TFCP2: variants seen among roughly 807,000 people sequenced by gnomAD.
TFCP2 encodes alpha-globin transcription factor CP2.
A neutral mutation model predicts 73.4 loss-of-function variants in TFCP2; 33 were observed. That is an observed-to-expected ratio of 0.45 (90% CI 0.34 to 0.60). TFCP2 has a LOEUF of 0.60. Among genes scored for constraint, TFCP2 ranks in the 20% least tolerant of loss-of-function variants. The pLI, the probability that TFCP2 is intolerant of heterozygous loss-of-function variation, is 0.01. For missense variants in TFCP2, 352 were observed against 604.0 expected (o/e 0.58, Z 4.37); for synonymous variants, 193 against 211.6 (o/e 0.91, Z 0.76).
At chr12:51,156,825 C>A (rs1941546091) in intron 1 of TFCP2, 1 of 152,000 alleles carries the variant, frequency 6.6e-6, no homozygotes, top group Non-Finnish European at 1.5e-5. Context: ...ATCTAGGTTA[C>A]CCAATTTGTT....
At chr12:51,118,546 A>G (rs1940587950) in intron 2 of TFCP2, 75 bp downstream of exon 2, 1 of 1,479,326 alleles carries the variant, frequency 6.8e-7, no homozygotes, top group East Asian at 2.4e-5. Context: ...CGCCGTCTCA[A>G]AACAAACAAA....
intron 1 of TFCP2, among the ~76,000 whole-genome samples, chr12:51,120,909 CAAAAAAAAA>C (rs35941534): frequency 7.6e-5 from 6 of 78,728 alleles, no homozygotes; most frequent in East Asian, 3.3e-4. Context: ...GACTGTGTCT[CAAAAAAAAA>C]AAAAAAAAAA....
chr12:51,148,111 C>A (rs1301876481), intron 1 of TFCP2, among the ~76,000 whole-genome samples: 1 of 151,806 alleles, frequency 6.6e-6, no homozygotes, highest in Non-Finnish European at 1.5e-5. Context: ...GCAAGAATAG[C>A]CATAATCAAA....
At chr12:51,104,118 G>C (rs11169704) in intron 9 of TFCP2, 37 bp downstream of exon 9, 1 of 1,600,836 alleles carries the variant, frequency 6.2e-7, no homozygotes, top group Non-Finnish European at 8.6e-7. Flanking sequence ...AGTATTACCA[G>C]ACATTGCAAG....
intron 1 of TFCP2, among the ~76,000 whole-genome samples, chr12:51,163,267 G>C (rs1463026189): frequency 6.6e-6 from 1 of 152,036 alleles, no homozygotes; most frequent in African/African-American, 2.4e-5. Flanking sequence ...CCCAGCCTGG[G>C]CAACAGAGCA....
intron 1 of TFCP2, among the ~76,000 whole-genome samples, chr12:51,161,011 G>A (rs867920100): frequency 2.6e-5 from 4 of 152,114 alleles, no homozygotes; most frequent in Non-Finnish European, 4.4e-5. Flanking sequence ...GCACACCCCC[G>A]ACTGAAGTTG....
At chr12:51,170,033 T>C (rs1565583498) in intron 1 of TFCP2, among the ~76,000 whole-genome samples, 1 of 152,244 alleles carries the variant, frequency 6.6e-6, no homozygotes, top group Non-Finnish European at 1.5e-5. Flanking sequence ...TAACCTCTGG[T>C]AACCTAAACA....
chr12:51,140,434 C>CT (rs1303920747), intron 1 of TFCP2, among the ~76,000 whole-genome samples: 2 of 122,050 alleles, frequency 1.6e-5, no homozygotes, highest in Non-Finnish European at 1.7e-5. Flanking sequence ...TTCTATCTTT[C>CT]TTTTCTTTTT....
At chr12:51,105,515 A>G (rs746980281) in intron 8 of TFCP2, among the ~76,000 whole-genome samples, 4 of 152,212 alleles carry the variant, frequency 2.6e-5, no homozygotes, top group Non-Finnish European at 4.4e-5. Flanking sequence ...TTTTAAACAC[A>G]GCTCTTAAAC....
chr12:51,117,768 AT>A (rs774288880), intron 2 of TFCP2, 21 bp from the exon 3 acceptor site: 2 of 1,544,568 alleles, frequency 1.3e-6, no homozygotes, highest in Admixed American at 3.5e-5. Flanking sequence ...AAGTAATTAC[AT>A]ATTATATTCA....
intron 1 of TFCP2, among the ~76,000 whole-genome samples, chr12:51,148,699 C>A (rs372583898): frequency 7.7e-3 from 770 of 99,930 alleles, no homozygotes; most frequent in Middle Eastern, 0.016. Flanking sequence ...GACTCTGTCT[C>A]AAAAAAAAAA....
At chr12:51,171,470 C>A (rs1314021102) in intron 1 of TFCP2, among the ~76,000 whole-genome samples, 1 of 152,160 alleles carries the variant, frequency 6.6e-6, no homozygotes. Context: ...CTCCGCCTCC[C>A]GGGTTCAAGC....
rs1447139994 is a variant in TFCP2 at position 51,117,683 on chromosome 12, G to T, written c.339C>A (p.Gly113=). 6.2e-7 allele frequency: 1 copy of T among 1,611,410 alleles called. No homozygotes were observed. ...RKLGELPEIN[G]KLVKSIFRVV... Reference sequence around the variant, plus strand: ...TTATTCGTTTTACCTTCACCAATTTGCCATTAATTTCTGGAAGTTCTCCAA... The same window carrying T: ...TTATTCGTTTTACCTTCACCAATTTTCCATTAATTTCTGGAAGTTCTCCAA... Residue 113 remains glycine (G), a synonymous_variant, in exon 3 of 15, where the codon GGC becomes GGA. Transcript: ENST00000257915.
intron 1 of TFCP2, among the ~76,000 whole-genome samples, chr12:51,128,173 C>T (rs945451980): frequency 6.6e-6 from 1 of 152,052 alleles, no homozygotes; most frequent in East Asian, 1.9e-4. Flanking sequence ...CCCAACTCAG[C>T]CTCCCAAAGT....
intron 11 of TFCP2, among the ~76,000 whole-genome samples, chr12:51,101,032 G>A (rs796607233): frequency 2.6e-5 from 4 of 152,238 alleles, no homozygotes; most frequent in South Asian, 2.1e-4. Context: ...TGCCGGGTGC[G>A]GTGGCTCACG....
intron 14 of TFCP2, 107 bp downstream of exon 14, chr12:51,095,882 C>T (rs1939954213): frequency 3.0e-6 from 2 of 663,936 alleles, no homozygotes; most frequent in Admixed American, 3.0e-5. Context: ...ACTTTCTTTA[C>T]CCAAATATGG....
At chr12:51,145,435 A>G (rs1322868876) in intron 1 of TFCP2, among the ~76,000 whole-genome samples, 2 of 148,454 alleles carry the variant, frequency 1.3e-5, no homozygotes, top group African/African-American at 2.5e-5. Flanking sequence ...GTGTGGTGGT[A>G]CACACCTGTA....
intron 1 of TFCP2, among the ~76,000 whole-genome samples, chr12:51,153,352 G>A (rs955468976): frequency 3.9e-4 from 59 of 151,866 alleles, no homozygotes; most frequent in African/African-American, 1.4e-3. Flanking sequence ...CTGCAGCCTG[G>A]GTGACAGAGC....
At position 51,094,966 on chromosome 12, in the gene TFCP2, T is replaced by C. The variant is rs900862789; in HGVS notation, c.*275A>G. ...TATGCCCTACATACACTCTAAATTATGTAGAGTTTCTACTGATATTTAACA... is the reference window on the plus strand; with the variant it reads ...TATGCCCTACATACACTCTAAATTACGTAGAGTTTCTACTGATATTTAACA... On this transcript the variant is annotated 3_prime_UTR_variant, in exon 15 of 15. Transcript: ENST00000257915. 1 of 473,794 alleles carries C rather than the reference T, an allele frequency of 2.1e-6. No homozygotes were observed. The highest frequency in any genetic ancestry group is 1.9e-5 in the African/African-American group (1 of 52,144). 29.3% of individuals were successfully genotyped at this position (473,794 alleles called of 1,614,324 possible). A position where few individuals can be genotyped will look rare whatever the true frequency, so the allele number is the denominator to read the frequency against.
Sources: gnomAD v4.1 joint callset for allele counts (sites outside exome capture counted in the v4.1 genomes callset) on GRCh38, gnomAD v4.1.1 for gene constraint, MANE v1.5 for transcripts, NCBI Gene and HGNC (gene_info 2026-07-23, HGNC 2026-07-21) for gene names.